The following SPPL2A variants were observed in gnomAD, a reference collection of about 807,000 sequenced individuals.
SPPL2A encodes the protein signal peptide peptidase like 2A, also known as signal peptide peptidase-like 2A.
In SPPL2A, 51 loss-of-function variants were observed where a neutral mutation model predicts 63.8. That is an observed-to-expected ratio of 0.80 (90% CI 0.64 to 1.01). SPPL2A has a LOEUF of 1.01. Among genes scored for constraint, SPPL2A ranks in the 50% least tolerant of loss-of-function variants. SPPL2A has a pLI of 0.00. For synonymous variants in SPPL2A, 188 were observed against 205.8 expected, an observed-to-expected ratio of 0.91 and a Z score of 0.74; for missense variants, 553 against 622.7, an observed-to-expected ratio of 0.89 and a Z score of 1.19.
intron 5 of SPPL2A, among the ~76,000 whole-genome samples, chr15:50,745,748 G>A (rs1417758426): frequency 1.3e-5 from 2 of 151,890 alleles, no homozygotes; most frequent in African/African-American, 2.4e-5. Context: ...ATGTTGCCAA[G>A]GCTAGAAAAT....
At chr15:50,709,661 G>A (rs1234039424) in intron 14 of SPPL2A, among the ~76,000 whole-genome samples, 1 of 151,956 alleles carries the variant, frequency 6.6e-6, no homozygotes, top group Non-Finnish European at 1.5e-5. Flanking sequence ...GTGGTGGTGC[G>A]CCTGTAATCC....
intron 1 of SPPL2A, among the ~76,000 whole-genome samples, chr15:50,756,610 G>A (rs1567167682): frequency 6.6e-6 from 1 of 152,036 alleles, no homozygotes; most frequent in Admixed American, 6.6e-5. Context: ...AAGGGGGTGG[G>A]CATGGTGGCT....
intron 5 of SPPL2A, among the ~76,000 whole-genome samples, chr15:50,740,316 A>G (rs2062808500): frequency 6.6e-6 from 1 of 150,626 alleles, no homozygotes; most frequent in African/African-American, 2.4e-5. Context: ...AATCTCAGCT[A>G]CTTGGGAGGC....
chr15:50,744,690 G>T (rs2062845282), intron 5 of SPPL2A, among the ~76,000 whole-genome samples: 1 of 152,124 alleles, frequency 6.6e-6, no homozygotes, highest in Non-Finnish European at 1.5e-5. Context: ...TCATGCTATA[G>T]ATTTTTCTTC....
chr15:50,731,137 T>C (rs1421476978), intron 9 of SPPL2A, 98 bp from the exon 10 acceptor site: 4 of 572,102 alleles, frequency 7.0e-6, no homozygotes, highest in African/African-American at 1.9e-5. Context: ...TGAATATACA[T>C]TTAAATATTA....
chr15:50,749,012 T>G (rs754675305), intron 2 of SPPL2A, 142 bp from the exon 3 acceptor site: 8 of 485,830 alleles, frequency 1.6e-5, no homozygotes, highest in Non-Finnish European at 2.8e-5. Context: ...TAGAATTAAG[T>G]ATTTTAAAAT....
At chr15:50,716,220 A>T (rs1009562368) in intron 14 of SPPL2A, among the ~76,000 whole-genome samples, 2 of 152,116 alleles carry the variant, frequency 1.3e-5, no homozygotes, top group Non-Finnish European at 2.9e-5. Context: ...TTTGAGACGG[A>T]GTCTTGCTCT....
intron 1 of SPPL2A, among the ~76,000 whole-genome samples, chr15:50,765,221 G>T (rs2063047461): frequency 6.6e-6 from 1 of 151,720 alleles, no homozygotes; most frequent in East Asian, 1.9e-4. Context: ...TAGGTATTTC[G>T]CCAGACTTCA....
At chr15:50,764,082 T>A (rs968955051) in intron 1 of SPPL2A, among the ~76,000 whole-genome samples, 1 of 152,118 alleles carries the variant, frequency 6.6e-6, no homozygotes, top group Non-Finnish European at 1.5e-5. Flanking sequence ...TCAATGTGAG[T>A]TTATGAGGAA....
chr15:50,763,172 G>A (rs1244556366), intron 1 of SPPL2A, among the ~76,000 whole-genome samples: 1 of 152,100 alleles, frequency 6.6e-6, no homozygotes, highest in Non-Finnish European at 1.5e-5. Flanking sequence ...AAGGGCTTCA[G>A]GGAGAAAATG....
intron 8 of SPPL2A, among the ~76,000 whole-genome samples, chr15:50,735,091 G>C (rs145697017): frequency 2.6e-5 from 4 of 152,134 alleles, no homozygotes; most frequent in East Asian, 3.9e-4. Context: ...TTTAAGTAGA[G>C]ACGAGGCTTC....
At chr15:50,744,734 G>C (rs2062845561) in intron 5 of SPPL2A, among the ~76,000 whole-genome samples, 1 of 152,030 alleles carries the variant, frequency 6.6e-6, no homozygotes, top group African/African-American at 2.4e-5. Flanking sequence ...GAGTCTTTTT[G>C]TTTAAACTGG....
Position 50,732,654 on chromosome 15 carries a change from C to A in SPPL2A, c.963G>T (p.Gly321=). 2 of 1,611,186 alleles carry A rather than the reference C, an allele frequency of 1.2e-6. No homozygotes were observed. The highest frequency in any genetic ancestry group is 8.5e-7 in the Non-Finnish European group (1 of 1,177,896). The change falls in exon 9 of 15, where the codon GGG becomes GGT. Residue 321 remains glycine (G), a synonymous_variant. Coordinates refer to ENST00000261854, the MANE Select transcript of SPPL2A (RefSeq NM_032802.4). Reference sequence around the variant, plus strand: ...TAATTAAATTCAGACAGAAAGCAATCCCCAAGATATCCTGTAAAATCCAAG... The same window carrying A: ...TAATTAAATTCAGACAGAAAGCAATACCCAAGATATCCTGTAAAATCCAAG... The part of the protein sequence containing the change: ...RWAWILQDIL[G]IAFCLNLIKT...
At chr15:50,756,463 T>G (rs1472164420) in intron 1 of SPPL2A, among the ~76,000 whole-genome samples, 2 of 152,214 alleles carry the variant, frequency 1.3e-5, no homozygotes, top group Admixed American at 6.5e-5. Flanking sequence ...AGATCCTTCC[T>G]TTTCACCCTC....
intron 14 of SPPL2A, among the ~76,000 whole-genome samples, chr15:50,715,738 A>G (rs2141021133): frequency 6.6e-6 from 1 of 152,312 alleles, no homozygotes; most frequent in African/African-American, 2.4e-5. Flanking sequence ...ACTAAAATGC[A>G]ATCAGTAAAG....
At chr15:50,747,295 G>A (rs2062865645) in intron 5 of SPPL2A, among the ~76,000 whole-genome samples, 200 bp downstream of exon 5, 1 of 152,208 alleles carries the variant, frequency 6.6e-6, no homozygotes, top group Non-Finnish European at 1.5e-5. Flanking sequence ...TCCTCTGACA[G>A]TGGAAGAGTT....
intron 1 of SPPL2A, 27 bp downstream of exon 1, chr15:50,765,441 G>A: frequency 6.7e-7 from 1 of 1,495,834 alleles, no homozygotes; most frequent in Middle Eastern, 2.4e-4. Flanking sequence ...GCCCCTGGGA[G>A]GCCTGCGCGC....
At chr15:50,740,354 G>T (rs1288270678) in intron 5 of SPPL2A, among the ~76,000 whole-genome samples, 5 of 149,098 alleles carry the variant, frequency 3.4e-5, no homozygotes, top group Non-Finnish European at 7.4e-5. Flanking sequence ...TTGAACCCGG[G>T]AGGCGGAGGT....
At chr15:50,732,719 A>G in intron 8 of SPPL2A, 35 bp from the exon 9 acceptor site, 1 of 1,286,192 alleles carries the variant, frequency 7.8e-7, no homozygotes, top group East Asian at 2.4e-5. Context: ...TTGCTTTATC[A>G]ATGTTTAGAT....
Sources: allele counts gnomAD v4.1 joint callset (sites outside exome capture counted in the v4.1 genomes callset), GRCh38; gene constraint gnomAD v4.1.1; transcripts MANE v1.5; gene names NCBI Gene and HGNC (gene_info 2026-07-23, HGNC 2026-07-21).